Variants in NPRL3 observed in about 807,000 individuals in gnomAD.
The protein encoded by NPRL3 is GATOR1 complex protein NPRL3.
Under a neutral mutation model 57.2 loss-of-function variants are expected in NPRL3, and 23 were observed. The observed-to-expected ratio is 0.40, with a 90% CI of 0.29 to 0.57. The LOEUF (loss-of-function observed/expected upper bound fraction) is 0.57, where lower values mean the gene tolerates loss of function less well. Among genes scored for constraint, NPRL3 ranks in the 20% least tolerant of loss-of-function variants. The pLI, the probability that NPRL3 is intolerant of heterozygous loss-of-function variation, is 0.42. For missense variants in NPRL3, 691 were observed against 767.1 expected (o/e 0.90, Z 1.17); for synonymous variants, 333 against 321.1 (o/e 1.04, Z -0.39).
Position 86,844 on chromosome 16 carries a change from T to C in NPRL3, c.1571A>G (p.His524Arg). 1.9e-6 allele frequency: 3 copies of C among 1,613,298 alleles called. No homozygotes were observed. Among genetic ancestry groups the C allele is most frequent in the Non-Finnish European group, 2.5e-6 (3 of 1,179,736 alleles). The part of the protein sequence containing the change: ...ARLLHYFRGR[H>R]HLEEIMYNEN... Reference sequence around the variant, plus strand: ...GTTGTACATAATCTCCTCCAGGTGGTGGCGGCCGCGGAAGTAGTGAAGGAG... The same window carrying C: ...GTTGTACATAATCTCCTCCAGGTGGCGGCGGCCGCGGAAGTAGTGAAGGAG... The change falls in exon 14 of 14, where the codon CAC becomes CGC. Residue 524 changes from histidine (H) to arginine (R), a missense_variant. Physicochemically the swap from His to Arg is conservative, Grantham distance 29. Coordinates refer to ENST00000611875, the MANE Select transcript of NPRL3 (RefSeq NM_001077350.3).
chr16:108,386 C>T (rs957911429), intron 7 of NPRL3, among the ~76,000 whole-genome samples: 1 of 152,098 alleles, frequency 6.6e-6, no homozygotes, highest in Non-Finnish European at 1.5e-5. Flanking sequence ...GTTGGCAAAG[C>T]TCGGGGGAAG....
intron 4 of NPRL3, among the ~76,000 whole-genome samples, chr16:117,661 C>T (rs1900103181): frequency 6.6e-6 from 1 of 152,180 alleles, no homozygotes; most frequent in African/African-American, 2.4e-5. Context: ...GGGTGGAGGA[C>T]CCAGACCCAC....
intron 7 of NPRL3, among the ~76,000 whole-genome samples, chr16:106,240 G>A (rs372505151): frequency 2.6e-5 from 4 of 152,140 alleles, no homozygotes; most frequent in Admixed American, 1.3e-4. Context: ...CCCGGGAGAC[G>A]GAGGTTGCAG....
chr16:98,422 GGGTATGCACCA>G (rs1236308152), intron 8 of NPRL3, 121 bp from the exon 9 acceptor site: 26 of 1,077,394 alleles, frequency 2.4e-5, no homozygotes, highest in African/African-American at 6.7e-5. Flanking sequence ...GGTATGCACC[GGGTATGCACCA>G]GGTATGCACC....
chr16:111,260 C>T (rs759456873), intron 6 of NPRL3, among the ~76,000 whole-genome samples: 2 of 151,746 alleles, frequency 1.3e-5, no homozygotes, highest in African/African-American at 4.8e-5. Flanking sequence ...ATTAGCCGGG[C>T]GTGGTGGCGG....
chr16:138,246 T>C lies in NPRL3; in HGVS notation c.22A>G (p.Ile8Val). The change falls in exon 2 of 14, where the codon ATC becomes GTC. Residue 8 changes from isoleucine (I) to valine (V), a missense_variant. Transcript: ENST00000611875. MRDNTSP[I>V]SVILVSSGSR... ...CCCGAGCTCACCAGAATCACGCTGATGGGGCTGGTGTTGTCCCGCATCCCG... is the reference window on the plus strand; with the variant it reads ...CCCGAGCTCACCAGAATCACGCTGACGGGGCTGGTGTTGTCCCGCATCCCG... The C allele has an allele frequency of 3.1e-6, 5 of 1,606,304 alleles. No individual in the cohort carries two copies. The highest frequency in any genetic ancestry group is 4.2e-6 in the Non-Finnish European group (5 of 1,176,928).
intron 9 of NPRL3, among the ~76,000 whole-genome samples, chr16:95,350 T>TATACATACACACACACACACACACACAC (rs1223611120): frequency 1.8e-5 from 2 of 110,990 alleles, no homozygotes; most frequent in African/African-American, 7.4e-5. Context: ...TATATATATA[T>TATACATACACACACACACACACACACAC]ACACACACAC....
chr16:92,634 ACAAGGAGACCGG>A lies in NPRL3; in HGVS notation c.1111_1122del (p.Pro371_Leu374del). ...GGGGCCAGGGGATTCCTAAATTCTG[ACAAGGAGACCGG>A]CAAGGAGAACTTGGCAAGAACGGAC... On this transcript the variant is annotated inframe_deletion, in exon 11 of 14. Coordinates refer to ENST00000611875, the MANE Select transcript of NPRL3 (RefSeq NM_001077350.3). 6.2e-7 allele frequency: 1 copy of A among 1,613,610 alleles called. No homozygotes were observed. The highest frequency in any genetic ancestry group is 8.5e-7 in the Non-Finnish European group (1 of 1,179,748).
At chr16:123,763 C>G (rs374020280) in intron 3 of NPRL3, among the ~76,000 whole-genome samples, 1 of 150,594 alleles carries the variant, frequency 6.6e-6, no homozygotes, top group East Asian at 2.0e-4. Context: ...ACACTCCCCA[C>G]GCTGAGAAAC....
chr16:119,345 A>G, intron 3 of NPRL3, 90 bp from the exon 4 acceptor site: 1 of 1,302,408 alleles, frequency 7.7e-7, no homozygotes, highest in Non-Finnish European at 1.1e-6. Context: ...GGGTCTCAGT[A>G]AACTGCACCT....
At chr16:138,068 C>G (rs985280797) in intron 2 of NPRL3, 82 bp downstream of exon 2, 2 of 1,031,866 alleles carry the variant, frequency 1.9e-6, no homozygotes. Context: ...AAGCTAAGCT[C>G]CGCGAGGCGG....
intron 9 of NPRL3, 68 bp from the exon 10 acceptor site, chr16:93,393 TCAGCCTGGGTGGCCATGGCCTAC>T: frequency 9.7e-7 from 1 of 1,035,434 alleles, no homozygotes; most frequent in Non-Finnish European, 1.5e-6. Flanking sequence ...TCAGCAGCTC[TCAGCCTGGGTGGCCATGGCCTAC>T]CAGCCTGGAG....
In NPRL3 at chr16:85,620, G is replaced by A; in HGVS notation, c.*1085C>T. 6.2e-7 allele frequency: 1 copy of A among 1,601,836 alleles called. No homozygotes were observed. ...GATGAAGCTGTATGGCTGGAGCGTG[G>A]TCCCCTGGAGCCCAGTGAGCCGGCT... On this transcript the variant is annotated 3_prime_UTR_variant, in exon 14 of 14. Coordinates refer to ENST00000611875, the MANE Select transcript of NPRL3 (RefSeq NM_001077350.3).
intron 7 of NPRL3, among the ~76,000 whole-genome samples, chr16:103,704 G>A: frequency 6.6e-6 from 1 of 152,200 alleles, no homozygotes; most frequent in Non-Finnish European, 1.5e-5. Context: ...AATTGGCCGG[G>A]CGTGGCGGCT....
rs1329803178 is a variant in NPRL3, at chr16:104,324, A to AG, written c.630-3816dup. Among the ~76,000 whole-genome samples, 3 of 152,166 alleles carry AG rather than the reference A, an allele frequency of 2.0e-5. No individual in the cohort carries two copies. In the East Asian group the frequency reaches 5.8e-4, roughly 29 times the overall value. ...AATTGAAATTAACGTTTAAAAAAAAAGACACCTAATTGTAATCAAATTGTA... is the reference window on the plus strand; with the variant it reads ...AATTGAAATTAACGTTTAAAAAAAAAGGACACCTAATTGTAATCAAATTGTA... On this transcript the variant is annotated intron_variant, in intron 7 of 13. Coordinates refer to ENST00000611875, the MANE Select transcript of NPRL3 (RefSeq NM_001077350.3).
intron 3 of NPRL3, among the ~76,000 whole-genome samples, chr16:126,525 C>T (rs1343436692): frequency 1.3e-5 from 2 of 151,938 alleles, no homozygotes; most frequent in Admixed American, 6.6e-5. Context: ...CCTCTAGCTC[C>T]CCATTCTCTG....
In NPRL3 at chr16:98,274, A is replaced by C; in HGVS notation, c.795T>G (p.Ser265Arg). ...GCTCACCCAGCAAGGACTTCTCATC[A>C]CTGAGCAGCAGCAGGGCATGGTAGG... Reference protein sequence around the residue: ...IRPYHALLLLSDEKSLLGELP... With the variant: ...IRPYHALLLLRDEKSLLGELP... Residue 265 changes from serine (S) to arginine (R), a missense_variant, in exon 9 of 14, where the codon AGT (serine) becomes AGG (arginine). By Grantham distance (110) the Ser-to-Arg change is moderately radical. Coordinates refer to ENST00000611875, the MANE Select transcript of NPRL3 (RefSeq NM_001077350.3). 6.2e-7 allele frequency: 1 copy of C among 1,613,954 alleles called. No individual in the cohort carries two copies. The highest frequency in any genetic ancestry group is 1.3e-5 in the African/African-American group (1 of 75,050).
intron 3 of NPRL3, among the ~76,000 whole-genome samples, chr16:129,625 T>C (rs1291145762): frequency 6.6e-6 from 1 of 152,230 alleles, no homozygotes; most frequent in Non-Finnish European, 1.5e-5. Flanking sequence ...AGGACCAGCC[T>C]GGGCAACAAA....
At chr16:131,063 G>A (rs983896086) in intron 2 of NPRL3, among the ~76,000 whole-genome samples, 16 of 152,346 alleles carry the variant, frequency 1.1e-4, no homozygotes, top group South Asian at 2.1e-4. Flanking sequence ...GATAAGGCAC[G>A]GTGGCCCGTG....
Sources: allele counts gnomAD v4.1 joint callset (sites outside exome capture counted in the v4.1 genomes callset), GRCh38; gene constraint gnomAD v4.1.1; transcripts MANE v1.5; gene names NCBI Gene and HGNC (gene_info 2026-07-23, HGNC 2026-07-21).